FGFR1: variants seen among roughly 807,000 people sequenced by gnomAD.
The protein encoded by FGFR1 is FGFR1/PLAG1 fusion.
FGFR1 carries 18 observed loss-of-function variants against 93.7 expected under a neutral mutation model. The ratio of observed to expected loss-of-function variants is 0.19; its 90% CI spans 0.13 to 0.28. The LOEUF (loss-of-function observed/expected upper bound fraction) is 0.28. Among genes scored for constraint, FGFR1 ranks in the 10% least tolerant of loss-of-function variants. FGFR1 has a pLI of 1.00. For missense variants in FGFR1, 731 were observed against 1,080.4 expected (o/e 0.68, Z 4.53); for synonymous variants, 448 against 429.3 (o/e 1.04, Z -0.54).
In FGFR1 at chr8:38,468,101, C is replaced by G. The variant is rs572216432; in HGVS notation, c.-209G>C. 754 of 225,582 alleles carry G rather than the reference C, an allele frequency of 3.3e-3. 1 individual carries two copies. Among genetic ancestry groups the G allele is most frequent in the Middle Eastern group, 6.7e-3 (5 of 742 alleles). 14.0% of individuals were successfully genotyped at this position (225,582 alleles called of 1,614,324 possible). On this transcript the variant is annotated 5_prime_UTR_variant, in exon 1 of 18. Transcript: ENST00000447712. ...GGCTCTGTTCGGGTCCTGGCGGGGT[C>G]GCAAGAGCTCCGCGGCCGGCGCTCG... is the stretch of plus-strand genomic sequence containing the variant.
intron 1 of FGFR1, chr8:38,466,575 TA>T (rs1835561033): frequency 4.3e-6 from 1 of 230,084 alleles, no homozygotes; most frequent in East Asian, 6.1e-5. Context: ...AGATCTTAAA[TA>T]ACTCGGGATC....
intron 2 of FGFR1, chr8:38,434,398 T>A: frequency 3.3e-6 from 1 of 306,246 alleles, no homozygotes. Context: ...GCATCTGCAA[T>A]GGTGACTTCC....
At chr8:38,435,272 A>G (rs1392840917) in intron 2 of FGFR1, 1 of 152,240 alleles carries the variant, frequency 6.6e-6, no homozygotes, top group Non-Finnish European at 1.5e-5. Context: ...GTGCCTAACA[A>G]TGTCAAAAAC....
At chr8:38,458,731 G>C in intron 1 of FGFR1, 1 of 219,488 alleles carries the variant, frequency 4.6e-6, no homozygotes, top group South Asian at 1.9e-4. Flanking sequence ...CAATGAAGCA[G>C]CTGAAATAAA....
chr8:38,425,974 G>C (rs544355982), intron 6 of FGFR1, 148 bp downstream of exon 6: 2 of 991,106 alleles, frequency 2.0e-6, no homozygotes, highest in East Asian at 2.4e-5. Flanking sequence ...GCTCAAAAGG[G>C]AGAAGTGACC....
At chr8:38,428,231 G>T in intron 4 of FGFR1, 115 bp downstream of exon 4, 3 of 1,460,992 alleles carry the variant, frequency 2.1e-6, no homozygotes, top group Non-Finnish European at 2.9e-6. Flanking sequence ...GCACTTAGCA[G>T]AACAGGCACC....
In FGFR1 at chr8:38,452,838, G is replaced by A. The variant is rs987965575; in HGVS notation, c.91+4518C>T. On this transcript the variant is annotated intron_variant, in intron 2 of 17. Transcript: ENST00000447712. ...AAATATACAAAAAAACTAGCTGGGC[G>A]TGGTGGCACGCGCCTGTAATCCCAG... 7.9e-5 allele frequency among the ~76,000 whole-genome samples: 12 copies of A among 152,284 alleles called. No homozygotes were observed. In the South Asian group the frequency reaches 8.3e-4, roughly 11 times the overall value.
chr8:38,432,561 C>T (rs1333202968), intron 2 of FGFR1, among the ~76,000 whole-genome samples: 4 of 151,916 alleles, frequency 2.6e-5, no homozygotes, highest in East Asian at 1.9e-4. Flanking sequence ...TACAGGCATG[C>T]GCCACCATGC....
At chr8:38,443,883 G>A (rs959441966) in intron 2 of FGFR1, among the ~76,000 whole-genome samples, 2 of 151,664 alleles carry the variant, frequency 1.3e-5, no homozygotes, top group African/African-American at 4.8e-5. Flanking sequence ...GAGAAACCCC[G>A]TGTCTACTAA....
chr8:38,428,171 G>A, intron 4 of FGFR1, 78 bp from the exon 5 acceptor site: 3 of 1,590,694 alleles, frequency 1.9e-6, no homozygotes, highest in Non-Finnish European at 1.7e-6. Context: ...GCCCAGGCCA[G>A]GACCTGGAGG....
chr8:38,433,448 C>T (rs1167686275), intron 2 of FGFR1, among the ~76,000 whole-genome samples: 1 of 152,122 alleles, frequency 6.6e-6, no homozygotes, highest in Non-Finnish European at 1.5e-5. Flanking sequence ...GCAGCTGGGA[C>T]TACAGGCATA....
chr8:38,466,890 A>ACCCCCC (rs1313311655), intron 1 of FGFR1, among the ~76,000 whole-genome samples: 1 of 25,540 alleles, frequency 3.9e-5, no homozygotes, highest in African/African-American at 1.3e-4. Context: ...CAGGCTTCAC[A>ACCCCCC]CCCCACCCCC....
rs970126881 is a variant in FGFR1 at position 38,413,370 on chromosome 8, G to A, written c.*258C>T. On this transcript the variant is annotated 3_prime_UTR_variant, in exon 18 of 18. Coordinates refer to ENST00000447712, the MANE Select transcript of FGFR1 (RefSeq NM_023110.3). This position sits in a 1 kb window ranked among gnomAD's most constrained non-coding sequence, Gnocchi z 4.2. Reference sequence around the variant, plus strand: ...TGCCTGGTGGCAGGGAGGGGTGTTGGTCCAACATCTGGGAGGGGATGAAGT... The same window carrying A: ...TGCCTGGTGGCAGGGAGGGGTGTTGATCCAACATCTGGGAGGGGATGAAGT... 4 of 545,994 alleles carry A rather than the reference G, an allele frequency of 7.3e-6. No homozygotes were observed. The highest frequency in any genetic ancestry group is 3.4e-5 in the Admixed American group (1 of 29,304). 33.8% of individuals were successfully genotyped at this position (545,994 alleles called of 1,614,324 possible).
Position 38,417,383 on chromosome 8 carries a change from A to G in FGFR1, c.1586T>C (p.Ile529Thr). Residue 529 changes from isoleucine (I) to threonine (T), a missense_variant, in exon 12 of 18, where the codon ATC becomes ACC. Coordinates refer to ENST00000447712, the MANE Select transcript of FGFR1 (RefSeq NM_023110.3). ...DATEKDLSDL[I>T]SEMEMMKMIG... ...CATCTTCATCATCTCCATTTCTGAG[A>G]TCAGGTCTGACAAGTCTTTCTCTGT... is the stretch of plus-strand genomic sequence containing the variant. 6.2e-7 allele frequency: 1 copy of G among 1,614,046 alleles called. No homozygotes were observed. Among genetic ancestry groups the G allele is most frequent in the Non-Finnish European group, 8.5e-7 (1 of 1,180,022 alleles).
chr8:38,454,142 A>G (rs963913453), intron 2 of FGFR1, among the ~76,000 whole-genome samples: 3 of 151,784 alleles, frequency 2.0e-5, no homozygotes, highest in Non-Finnish European at 2.9e-5. Flanking sequence ...TGTCCTCATC[A>G]AGATCTTCAG....
chr8:38,436,513 C>G (rs1825479803), intron 2 of FGFR1, among the ~76,000 whole-genome samples: 1 of 152,160 alleles, frequency 6.6e-6, no homozygotes, highest in Admixed American at 6.5e-5. Flanking sequence ...ACTCAGGCTG[C>G]TGATCTCATT....
At position 38,427,777 on chromosome 8, in the gene FGFR1, A is replaced by G. The variant is rs542788215; in HGVS notation, c.621+144T>C. ...GAAGAAATGTTTAAACTTTATTTGC[A>G]TTTTTTTGTATTTAAAAATTTTAAT... is the stretch of plus-strand genomic sequence containing the variant. On this transcript the variant is annotated intron_variant, in intron 5 of 17. Transcript: ENST00000447712. The G allele has an allele frequency of 2.2e-5, 19 of 849,376 alleles. No homozygotes were observed. The African/African-American group carries it at 3.1e-4, about 14-fold the overall frequency. 52.6% of individuals were successfully genotyped at this position (849,376 alleles called of 1,614,324 possible).
intron 1 of FGFR1, 52 bp from the exon 2 acceptor site, chr8:38,457,586 G>T (rs1445282291): frequency 3.3e-6 from 5 of 1,523,310 alleles, no homozygotes; most frequent in Non-Finnish European, 4.4e-6. Flanking sequence ...GTAGGGGAGG[G>T]GAAAGGAAAA....
chr8:38,460,492 T>G (rs1834122776), intron 1 of FGFR1, among the ~76,000 whole-genome samples: 1 of 151,932 alleles, frequency 6.6e-6, no homozygotes, highest in African/African-American at 2.4e-5. Flanking sequence ...ACTTGGCCAC[T>G]CTGTCCCCAG....
Sources: allele counts gnomAD v4.1 joint callset (sites outside exome capture counted in the v4.1 genomes callset), GRCh38; gene constraint gnomAD v4.1.1; non-coding constraint Gnocchi (gnomAD v3.1); transcripts MANE v1.5; gene names NCBI Gene and HGNC (gene_info 2026-07-23, HGNC 2026-07-21).